The following SCRIB variants were observed in gnomAD, a reference collection of about 807,000 sequenced individuals.
The protein encoded by SCRIB is scribble planar cell polarity protein, also known as protein scribble homolog.
A neutral mutation model predicts 170.0 loss-of-function variants in SCRIB; 72 were observed. The observed-to-expected ratio is 0.42, with a 90% CI of 0.35 to 0.52. The LOEUF (loss-of-function observed/expected upper bound fraction) is 0.52. SCRIB is among the 20% of genes least tolerant of loss of function. The pLI is 0.02. For missense variants in SCRIB, 2,475 were observed against 2,338.5 expected (o/e 1.06, Z -1.20); for synonymous variants, 1,298 against 1,044.3 (o/e 1.24, Z -4.68).
rs557877222 is a variant in SCRIB at position 143,814,050 on chromosome 8, G to A, written c.228C>T (p.Pro76=). ...CCAGCTGCATGAAGTTGGCCACCTC[G>A]GGAGGCAACCGCTGGATCTCGTTGT... ...LSDNEIQRLP[P]EVANFMQLVE... The change falls in exon 2 of 37, where the codon CCC becomes CCT. Residue 76 remains proline, a synonymous_variant. Transcript: ENST00000356994. 3.1e-5 allele frequency: 49 copies of A among 1,560,268 alleles called. No individual in the cohort carries two copies. In the Admixed American group the frequency reaches 4.8e-4, roughly 15 times the overall value.
At position 143,805,428 on chromosome 8, in the gene SCRIB, C is replaced by G. The variant is rs1554636327; in HGVS notation, c.2354G>C (p.Gly785Ala). ...RVGDKLLEVN[G>A]VALQGAEHHE... ...GTGCTCGGCGCCCTGCAGAGCCACA[C>G]CATTCACCTGCGGGCCAGGGACCAC... The change falls in exon 19 of 37, where the codon GGT becomes GCT. Residue 785 changes from glycine (G) to alanine (A), a missense_variant. By Grantham distance (60) the Gly-to-Ala change is moderately conservative (BLOSUM62 0). This residue lies in a region of SCRIB where 1,966 missense variants were observed against 1,742.9 expected (regional missense o/e 1.13). Transcript: ENST00000356994. 1 of 1,499,858 alleles carries G rather than the reference C, an allele frequency of 6.7e-7. No homozygotes were observed. The highest frequency in any genetic ancestry group is 2.5e-5 in the East Asian group (1 of 40,554). 92.9% of individuals were successfully genotyped at this position (1,499,858 alleles called of 1,614,324 possible). A position where few individuals can be genotyped will look rare whatever the true frequency, so the allele number is the denominator to read the frequency against.
chr8:143,811,476 C>A (rs181745110), intron 9 of SCRIB, 131 bp from the exon 10 acceptor site: 3 of 766,878 alleles, frequency 3.9e-6, no homozygotes, highest in Non-Finnish European at 6.4e-6. Flanking sequence ...CCCTGGAGAC[C>A]GGGACAAGGA....
chr8:143,793,782 A>C, intron 28 of SCRIB, 118 bp downstream of exon 28: 2 of 1,006,120 alleles, frequency 2.0e-6, no homozygotes, highest in Non-Finnish European at 3.0e-6. Context: ...ACCGGAGTCA[A>C]CAGCACCCCA....
rs782791787 is a variant in SCRIB at position 143,793,940 on chromosome 8, C to T, written c.3869G>A (p.Gly1290Glu). The change falls in exon 28 of 37, where the codon GGG becomes GAG. Residue 1290 changes from glycine to glutamate, a missense_variant. Physicochemically the swap from Gly to Glu is moderately conservative, Grantham distance 98 (BLOSUM62 -2). Transcript: ENST00000356994. ...VQRVPSGAAG[G>E]KMAESPCSPS... ...GGAGCAGGGAGATTCAGCCATCTTC[C>T]CTCCAGCTGCTCCAGACGGTACCTG... is the stretch of plus-strand genomic sequence containing the variant. 3.7e-6 allele frequency: 6 copies of T among 1,613,508 alleles called. No individual in the cohort carries two copies. The highest frequency in any genetic ancestry group is 5.1e-6 in the Non-Finnish European group (6 of 1,179,716).
In SCRIB at chr8:143,815,252, G is replaced by A. The variant is rs1265894472; in HGVS notation, c.121C>T (p.Leu41=). The part of the protein sequence containing the change: ...IYRYSRSLEE[L]LLDANQLREL... ...CGCAGCTGGTTGGCGTCGAGCAGCA[G>A]CTCCTCCAGGCTGCGGCTGTAGCGG... Residue 41 remains leucine (L), a synonymous_variant, in exon 1 of 37, where the codon CTG becomes TTG. Coordinates refer to ENST00000356994, the MANE Select transcript of SCRIB (RefSeq NM_182706.5). The A allele has an allele frequency of 5.6e-6, 9 of 1,595,062 alleles. No homozygotes were observed. Among genetic ancestry groups the A allele is most frequent in the Non-Finnish European group, 6.8e-6 (8 of 1,174,828 alleles).
intron 24 of SCRIB, 134 bp from the exon 25 acceptor site, chr8:143,795,664 C>T (rs551794490): frequency 2.4e-4 from 188 of 772,424 alleles, no homozygotes; most frequent in Middle Eastern, 6.9e-4. Flanking sequence ...GGGCTGACCG[C>T]GTGGCTGGGG....
chr8:143,793,126 G>A (rs1554633389), intron 28 of SCRIB, 43 bp from the exon 29 acceptor site: 5 of 1,182,466 alleles, frequency 4.2e-6, no homozygotes, highest in South Asian at 1.7e-5. Flanking sequence ...GGCAGCTGTC[G>A]GGGCTGCAGC....
intron 27 of SCRIB, among the ~76,000 whole-genome samples, chr8:143,794,755 A>G (rs1554633731): frequency 6.6e-6 from 1 of 152,050 alleles, no homozygotes; most frequent in Non-Finnish European, 1.5e-5. Flanking sequence ...CCCCAGCAGC[A>G]GCAGGTGAAG....
At chr8:143,801,724 G>A (rs967871154) in intron 24 of SCRIB, among the ~76,000 whole-genome samples, 1 of 152,182 alleles carries the variant, frequency 6.6e-6, no homozygotes, top group African/African-American at 2.4e-5. Context: ...CAGTGACGGG[G>A]AAGGGGAGCT....
Position 143,813,699 on chromosome 8 carries a change from G to A in SCRIB, c.384C>T (p.Arg128=), listed in dbSNP as rs1009473526. 7 of 1,613,606 alleles carry A rather than the reference G, an allele frequency of 4.3e-6. No individual in the cohort carries two copies. The highest frequency in any genetic ancestry group is 5.1e-6 in the Non-Finnish European group (6 of 1,180,030). ...CATTCAGGGCCAGGTGAGCCAGGCT[G>A]CGCAGCTGAGTGAAGCCATCAGGGA... The part of the protein sequence containing the change: ...SRLPDGFTQL[R]SLAHLALNDV... The change falls in exon 4 of 37, where the codon CGC becomes CGT. Residue 128 remains arginine (R), a synonymous_variant. Coordinates refer to ENST00000356994, the MANE Select transcript of SCRIB (RefSeq NM_182706.5).
chr8:143,793,398 G>C, intron 28 of SCRIB: 1 of 286,230 alleles, frequency 3.5e-6, no homozygotes. Context: ...GGGGTTTAAG[G>C]CAAGGGACGG....
rs552578581 is a variant in SCRIB at position 143,813,905 on chromosome 8, G to A, written c.278-9C>T. On this transcript the variant is annotated splice_polypyrimidine_tract_variant and intron_variant, in intron 2 of 36. Transcript: ENST00000356994. ...CGGGATCTCAGGGATATCTGTCACA[G>A]AGGGTCACAGTGGACAGATGCCATG... 21 of 1,606,782 alleles carry A rather than the reference G, an allele frequency of 1.3e-5. No individual in the cohort carries two copies. The highest frequency in any genetic ancestry group is 1.1e-4 in the African/African-American group (8 of 74,956).
Position 143,795,281 on chromosome 8 carries a change from G to GC in SCRIB, c.3766dup (p.Ala1256GlyfsTer39). 6.2e-7 allele frequency: 1 copy of GC among 1,612,620 alleles called. No homozygotes were observed. The highest frequency in any genetic ancestry group is 8.5e-7 in the Non-Finnish European group (1 of 1,179,920). ...GGGTGGGGCGACCACACTCACTGCG[G>GC]CTTCTGTGGCCTCGGGCCCCCAGTG... On this transcript the variant is annotated frameshift_variant, in exon 26 of 37. Coordinates refer to ENST00000356994, the MANE Select transcript of SCRIB (RefSeq NM_182706.5). LOFTEE classifies it high-confidence loss of function.
Position 143,791,280 on chromosome 8 carries a change from A to G in SCRIB, c.4851T>C (p.Ala1617=). 6.5e-7 allele frequency: 1 copy of G among 1,547,612 alleles called. No individual in the cohort carries two copies. The highest frequency in any genetic ancestry group is 8.7e-7 in the Non-Finnish European group (1 of 1,146,060). The change falls in exon 37 of 37, where the codon GCT becomes GCC. Residue 1617 remains alanine, a synonymous_variant. Coordinates refer to ENST00000356994, the MANE Select transcript of SCRIB (RefSeq NM_182706.5). The part of the protein sequence containing the change: ...PGPQEEDGEV[A]LVLLGRPSPG... ...GTGAGGGCCTGCCCAGAAGCACCAG[A>G]GCCACTTCTCCATCCTCCTCCTGCG...
In SCRIB at chr8:143,792,611, G is replaced by A. The variant is rs782314397; in HGVS notation, c.4202C>T (p.Ala1401Val). The stretch of plus-strand genomic sequence containing the variant: ...CTCTGCCGCCTCCCGCAGCATCTGC[G>A]CTCTCTTCTGCTGTAGTTTTCTGGC... ...EEARKLQQKR[A>V]QMLREAAEAG... The change falls in exon 31 of 37, where the codon GCG (alanine) becomes GTG (valine). Residue 1401 changes from alanine (A) to valine (V), a missense_variant. By Grantham distance (64) the Ala-to-Val change is moderately conservative. Around this residue, in one of 3 missense-constraint regions of SCRIB, gnomAD observed 1,966 missense variants for 1,742.9 expected, o/e 1.13. Transcript: ENST00000356994. 40 of 1,592,998 alleles carry A rather than the reference G, an allele frequency of 2.5e-5. No homozygotes were observed. The highest frequency in any genetic ancestry group is 2.9e-5 in the Non-Finnish European group (34 of 1,177,072).
At chr8:143,807,408 T>G (rs1370755492) in intron 16 of SCRIB, 144 bp downstream of exon 16, 1 of 774,676 alleles carries the variant, frequency 1.3e-6, no homozygotes, top group Non-Finnish European at 2.3e-6. Context: ...GGAGGTGTCC[T>G]GATCCTGGAG....
Position 143,805,379 on chromosome 8 carries a change from C to G in SCRIB, c.2403G>C (p.Arg801=), listed in dbSNP as rs1554636307. The G allele has an allele frequency of 6.5e-7, 1 of 1,547,896 alleles. No individual in the cohort carries two copies. The highest frequency in any genetic ancestry group is 1.4e-5 in the African/African-American group (1 of 73,024). ...AEHHEAVEAL[R]GAGTAVQMRV... is the part of the protein sequence containing the mutation. ...GCATCTGCACGGCAGTGCCGGCCCCCCGGAGCGCCTCCACGGCCTCGTGGT... is the reference window on the plus strand; with the variant it reads ...GCATCTGCACGGCAGTGCCGGCCCCGCGGAGCGCCTCCACGGCCTCGTGGT... The change falls in exon 19 of 37, where the codon CGG becomes CGC. Residue 801 remains arginine (R), a synonymous_variant. Transcript: ENST00000356994.
rs1554632848 is a variant in SCRIB at position 143,791,975 on chromosome 8, G to A, written c.4657+16C>T. ...TGCGGCAGGCTGACCCCCCCGACCT[G>A]CCCTGACCCACAGACCTTCCACAGG... is the stretch of plus-strand genomic sequence containing the variant. On this transcript the variant is annotated intron_variant, in intron 33 of 36. Coordinates refer to ENST00000356994, the MANE Select transcript of SCRIB (RefSeq NM_182706.5). 6.7e-6 allele frequency: 10 copies of A among 1,498,658 alleles called. No homozygotes were observed. In the South Asian group the frequency reaches 8.0e-5, roughly 12 times the overall value. 92.8% of individuals were successfully genotyped at this position (1,498,658 alleles called of 1,614,324 possible). A position where few individuals can be genotyped will look rare whatever the true frequency, so the allele number is the denominator to read the frequency against.
At chr8:143,810,348 C>T in intron 13 of SCRIB, 131 bp downstream of exon 13, 1 of 1,356,098 alleles carries the variant, frequency 7.4e-7, no homozygotes, top group Non-Finnish European at 1.0e-6. Context: ...GTCCCTGAAA[C>T]CTGTCACCAG....
Sources: gnomAD v4.1 joint callset for allele counts (sites outside exome capture counted in the v4.1 genomes callset) on GRCh38, gnomAD v4.1.1 for gene constraint, gnomAD v4.1.1 regional missense constraint, MANE v1.5 for transcripts, NCBI Gene and HGNC (gene_info 2026-07-23, HGNC 2026-07-21) for gene names.